NEK9: variants seen among roughly 807,000 people sequenced by gnomAD.
NEK9 encodes the protein serine/threonine-protein kinase Nek9.
In NEK9, 75 loss-of-function variants were observed where a neutral mutation model predicts 123.4. That is an observed-to-expected ratio of 0.61 (90% confidence interval 0.50 to 0.74). The LOEUF (loss-of-function observed/expected upper bound fraction) is 0.74. NEK9 is among the 30% of genes least tolerant of loss of function. The pLI is 0.00. For synonymous variants in NEK9, 438 were observed against 458.7 expected, an observed-to-expected ratio of 0.95 and a Z score of 0.58; for missense variants, 952 against 1,214.4, an observed-to-expected ratio of 0.78 and a Z score of 3.21.
At chr14:75,085,924 C>T (rs1894006303) in intron 21 of NEK9, among the ~76,000 whole-genome samples, 2 of 151,890 alleles carry the variant, frequency 1.3e-5, no homozygotes, top group Admixed American at 6.6e-5. Context: ...GGCGCAGTGG[C>T]TCACACCTGT....
intron 11 of NEK9, 75 bp downstream of exon 11, chr14:75,107,268 A>G: frequency 6.8e-7 from 1 of 1,467,322 alleles, no homozygotes. Context: ...TTAAAATCCC[A>G]ACTAAGATTG....
At chr14:75,122,789 CTTTTTTT>C (rs35799337) in intron 2 of NEK9, among the ~76,000 whole-genome samples, 9 of 80,104 alleles carry the variant, frequency 1.1e-4, no homozygotes, top group Admixed American at 1.0e-3. Flanking sequence ...CCACGCCCAG[CTTTTTTT>C]TTTTTTTTTT....
chr14:75,081,568 T>C lies in NEK9; in HGVS notation c.*2996A>G, dbSNP rs1893869610. On this transcript the variant is annotated 3_prime_UTR_variant, in exon 22 of 22. Transcript: ENST00000238616. The surrounding 1 kb of genome is among the most constrained non-coding windows in gnomAD (Gnocchi z 4.2). ...GGTTTAGGGATTTCATGTGAATGAA[T>C]TTATTTAAAATGTATTCTTGCCCCT... 1 of 152,240 alleles carries C rather than the reference T, an allele frequency of 6.6e-6. No individual in the cohort carries two copies. The highest frequency in any genetic ancestry group is 2.1e-4 in the South Asian group (1 of 4,836). 9.4% of individuals were successfully genotyped at this position (152,240 alleles called of 1,614,324 possible).
chr14:75,115,101 A>G (rs946046085), intron 6 of NEK9, among the ~76,000 whole-genome samples: 5 of 55,254 alleles, frequency 9.0e-5, no homozygotes, highest in African/African-American at 2.9e-4. Flanking sequence ...ACATATATGC[A>G]CACGTGTGTG....
In NEK9 at chr14:75,124,339, CTTAT is replaced by C; in HGVS notation, c.220-120_220-117del. The C allele has an allele frequency of 3.7e-6, 3 of 800,862 alleles. No homozygotes were observed. In the South Asian group the frequency reaches 5.8e-5, roughly 16 times the overall value. The allele number at this position is 800,862 out of a possible 1,614,324, so 49.6% of individuals were successfully genotyped here. On this transcript the variant is annotated intron_variant, in intron 1 of 21. Coordinates refer to ENST00000238616, the MANE Select transcript of NEK9 (RefSeq NM_033116.6). Reference sequence around the variant, plus strand: ...CCTAGAGGGGCACAGACTGACTCCTCTTATTTTTTCCTTTTAACAGACTTTAAAG... The same window carrying C: ...CCTAGAGGGGCACAGACTGACTCCTCTTTTTCCTTTTAACAGACTTTAAAG...
At position 75,087,244 on chromosome 14, in the gene NEK9, A is replaced by G. The variant is rs1177680294; in HGVS notation, c.2605-14T>C. The stretch of plus-strand genomic sequence containing the variant: ...CAGCCGAGGTGACTAGAGAGACAAG[A>G]AGGAGATTGCAGGAGGTTCTGCCCA... On this transcript the variant is annotated splice_polypyrimidine_tract_variant and intron_variant, in intron 20 of 21. Transcript: ENST00000238616. 1.9e-6 allele frequency: 3 copies of G among 1,592,168 alleles called. No homozygotes were observed. Among genetic ancestry groups the G allele is most frequent in the African/African-American group, 1.3e-5 (1 of 74,526 alleles).
chr14:75,106,810 G>T (rs1894793240), intron 11 of NEK9, 108 bp from the exon 12 acceptor site: 1 of 778,396 alleles, frequency 1.3e-6, no homozygotes, highest in South Asian at 1.8e-5. Context: ...GATCTCACAT[G>T]AATTGATTAT....
chr14:75,118,408 T>A (rs1299289954), intron 5 of NEK9, among the ~76,000 whole-genome samples: 1 of 152,198 alleles, frequency 6.6e-6, no homozygotes, highest in Non-Finnish European at 1.5e-5. Flanking sequence ...AGACTGTGTA[T>A]AATATTAAAG....
intron 18 of NEK9, 51 bp from the exon 19 acceptor site, chr14:75,091,529 G>T (rs1209668078): frequency 7.0e-7 from 1 of 1,424,536 alleles, no homozygotes; most frequent in African/African-American, 1.4e-5. Context: ...CAGCAAGACA[G>T]ATTTACCATT....
upstream of NEK9, chr14:75,127,111 C>A: frequency 1.9e-6 from 1 of 536,770 alleles, no homozygotes; most frequent in Non-Finnish European, 3.3e-6. Flanking sequence ...GTTTCCTCCG[C>A]CTTTGCTTAC....
intron 18 of NEK9, among the ~76,000 whole-genome samples, chr14:75,092,609 T>C (rs1460629171): frequency 6.6e-6 from 1 of 152,222 alleles, no homozygotes; most frequent in Non-Finnish European, 1.5e-5. Context: ...CTCTGACGAC[T>C]ATCTGTATCC....
chr14:75,125,426 A>G (rs1234431735), intron 1 of NEK9, among the ~76,000 whole-genome samples: 1 of 152,168 alleles, frequency 6.6e-6, no homozygotes, highest in African/African-American at 2.4e-5. Flanking sequence ...ATTTTTGGGA[A>G]GTGTAATCAA....
At position 75,104,014 on chromosome 14, in the gene NEK9, A is replaced by G. The variant is rs767784338; in HGVS notation, c.1576-17T>C. 1.3e-6 allele frequency: 2 copies of G among 1,598,882 alleles called. No individual in the cohort carries two copies. Among genetic ancestry groups the G allele is most frequent in the African/African-American group, 1.4e-5 (1 of 73,734 alleles). On this transcript the variant is annotated splice_polypyrimidine_tract_variant and intron_variant, in intron 13 of 21. Coordinates refer to ENST00000238616, the MANE Select transcript of NEK9 (RefSeq NM_033116.6). ...AACATCCACCTGCAAGAAAAAAATC[A>G]GAAAAAGAAATCCCAAATATATAAT...
rs1282490694 is a variant in NEK9 at position 75,083,782 on chromosome 14, T to TGAGACACCTCATCCCTCA, written c.*764_*781dup. ...TGACTGCCCCATGGACTCAATTCTCTGAGACACCTCATCCCTCAGAGACAC... is the reference window on the plus strand; with the variant it reads ...TGACTGCCCCATGGACTCAATTCTCTGAGACACCTCATCCCTCAGAGACACCTCATCCCTCAGAGACAC... On this transcript the variant is annotated 3_prime_UTR_variant, in exon 22 of 22. Transcript: ENST00000238616. The TGAGACACCTCATCCCTCA allele has an allele frequency of 1.1e-4, 17 of 152,206 alleles. No individual in the cohort carries two copies. The highest frequency in any genetic ancestry group is 4.1e-4 in the African/African-American group (17 of 41,414). The allele number at this position is 152,206 out of a possible 1,614,324, so 9.4% of individuals were successfully genotyped here. A position where few individuals can be genotyped will look rare whatever the true frequency, so the allele number is the denominator to read the frequency against.
Position 75,083,144 on chromosome 14 carries a change from G to T in NEK9, c.*1420C>A. ...TTATCAAACATTTTGGTCTGGGGAA[G>T]ATGAAACAAAATTAATTTAGCTGTT... On this transcript the variant is annotated 3_prime_UTR_variant, in exon 22 of 22. Coordinates refer to ENST00000238616, the MANE Select transcript of NEK9 (RefSeq NM_033116.6). 1 of 398,572 alleles carries T rather than the reference G, an allele frequency of 2.5e-6. No homozygotes were observed. Among genetic ancestry groups the T allele is most frequent in the Non-Finnish European group, 4.4e-6 (1 of 226,062 alleles). The allele number at this position is 398,572 out of a possible 1,614,324, so 24.7% of individuals were successfully genotyped here.
intron 5 of NEK9, among the ~76,000 whole-genome samples, chr14:75,117,685 C>T (rs79939509): frequency 1.3e-5 from 2 of 152,130 alleles, no homozygotes; most frequent in African/African-American, 4.8e-5. Flanking sequence ...GGAAAAAAAT[C>T]CAAACACTGG....
At chr14:75,090,737 A>C (rs534572976) in intron 19 of NEK9, among the ~76,000 whole-genome samples, 11 of 152,016 alleles carry the variant, frequency 7.2e-5, no homozygotes, top group African/African-American at 2.4e-4. Flanking sequence ...ACACCCGGCT[A>C]ATTTTTTAAA....
chr14:75,121,599 A>G (rs1436662552), intron 2 of NEK9, among the ~76,000 whole-genome samples: 1 of 152,238 alleles, frequency 6.6e-6, no homozygotes, highest in Non-Finnish European at 1.5e-5. Context: ...CTATAATCCC[A>G]GCACTTTGGG....
chr14:75,090,398 C>A lies in NEK9; in HGVS notation c.2442+872G>T, dbSNP rs1023249066. Among the ~76,000 whole-genome samples, 6 of 151,656 alleles carry A rather than the reference C, an allele frequency of 4.0e-5. No individual in the cohort carries two copies. In the South Asian group the frequency reaches 1.2e-3, roughly 31 times the overall value. The stretch of plus-strand genomic sequence containing the variant: ...ATAAAATTCACCAGCAATTCCATCA[C>A]TTACAGACAACCACTTTAAAAACTG... On this transcript the variant is annotated intron_variant, in intron 19 of 21. Transcript: ENST00000238616.
Sources: allele counts gnomAD v4.1 joint callset (sites outside exome capture counted in the v4.1 genomes callset), GRCh38; gene constraint gnomAD v4.1.1; non-coding constraint Gnocchi (gnomAD v3.1); transcripts MANE v1.5; gene names NCBI Gene and HGNC (gene_info 2026-07-23, HGNC 2026-07-21).